ADAMTS3: variants seen among roughly 807,000 people sequenced by gnomAD.
The protein encoded by ADAMTS3 is ADAM metallopeptidase with thrombospondin type 1 motif 3.
ADAMTS3 carries 73 observed loss-of-function variants against 129.0 expected under a neutral mutation model. That is an observed-to-expected ratio of 0.57 (90% CI 0.47 to 0.69). The LOEUF is 0.69. Among genes scored for constraint, ADAMTS3 ranks in the 30% least tolerant of loss-of-function variants. The pLI is 0.00. For missense variants in ADAMTS3, 1,457 were observed against 1,514.5 expected (o/e 0.96, Z 0.63); for synonymous variants, 477 against 510.8 (o/e 0.93, Z 0.89).
Position 72,283,350 on chromosome 4 carries a change from T to A in ADAMTS3, c.3404A>T (p.Gln1135Leu), listed in dbSNP as rs1316154594. 5.6e-6 allele frequency: 9 copies of A among 1,613,668 alleles called. No homozygotes were observed. The highest frequency in any genetic ancestry group is 1.6e-4 in the Middle Eastern group (1 of 6,080). Residue 1135 changes from glutamine (Q) to leucine (L), a missense_variant, in exon 22 of 22, where the codon CAG becomes CTG. Coordinates refer to ENST00000286657, the MANE Select transcript of ADAMTS3 (RefSeq NM_014243.3). ...TCTCACAGTCTTACTTCCTGCTTGCTGAGCACTCCTCTGGCGTAAATTAGC... is the reference window on the plus strand; with the variant it reads ...TCTCACAGTCTTACTTCCTGCTTGCAGAGCACTCCTCTGGCGTAAATTAGC... ...DGANLRQRSA[Q>L]QAGSKTVRLV...
intron 3 of ADAMTS3, among the ~76,000 whole-genome samples, chr4:72,530,031 A>AT (rs375982827): frequency 0.37 from 1,118 of 3,060 alleles, 435 homozygotes; most frequent in African/African-American, 0.72. Flanking sequence ...TTTATATATA[A>AT]ATATAATATA....
At chr4:72,400,155 A>G (rs370360848) in intron 4 of ADAMTS3, among the ~76,000 whole-genome samples, 10 of 140,996 alleles carry the variant, frequency 7.1e-5, no homozygotes, top group Non-Finnish European at 9.4e-5. Flanking sequence ...TGGTGTGTAT[A>G]TATATGTGTG....
intron 2 of ADAMTS3, among the ~76,000 whole-genome samples, chr4:72,564,660 G>A (rs991321768): frequency 1.3e-5 from 2 of 152,022 alleles, no homozygotes; most frequent in Non-Finnish European, 2.9e-5. Context: ...ATACCAAGAA[G>A]GTATTATTCC....
At chr4:72,317,164 A>T (rs1243194212) in intron 10 of ADAMTS3, among the ~76,000 whole-genome samples, 1 of 152,158 alleles carries the variant, frequency 6.6e-6, no homozygotes, top group Non-Finnish European at 1.5e-5. Flanking sequence ...TTACCTACAT[A>T]CACCCTTATG....
chr4:72,566,087 T>G lies in ADAMTS3; in HGVS notation c.97+1287A>C, dbSNP rs1157758075. Among the ~76,000 whole-genome samples the G allele has an allele frequency of 9.8e-5, 15 of 152,310 alleles. No homozygotes were observed. The East Asian group carries it at 2.1e-3, about 22-fold the overall frequency. On this transcript the variant is annotated intron_variant, in intron 2 of 21. Coordinates refer to ENST00000286657, the MANE Select transcript of ADAMTS3 (RefSeq NM_014243.3). ...ATGGCTGAATGTTATCAACTACGAA[T>G]GACAAGTATCTGATCATAAACACTG...
intron 3 of ADAMTS3, among the ~76,000 whole-genome samples, chr4:72,491,589 T>C (rs1041599468): frequency 1.3e-5 from 2 of 151,802 alleles, no homozygotes; most frequent in Non-Finnish European, 3.0e-5. Context: ...TAATTGTGTA[T>C]GTAGACCCAT....
Position 72,399,301 on chromosome 4 carries a change from T to C in ADAMTS3, c.661+15514A>G, listed in dbSNP as rs112448159. Reference sequence around the variant, plus strand: ...AAAAGAAATTAGCTGAGTGTGGTGGTGCACACCTGTAGTCCCAGTTACTGG... The same window carrying C: ...AAAAGAAATTAGCTGAGTGTGGTGGCGCACACCTGTAGTCCCAGTTACTGG... On this transcript the variant is annotated intron_variant, in intron 4 of 21. Coordinates refer to ENST00000286657, the MANE Select transcript of ADAMTS3 (RefSeq NM_014243.3). 9.3e-3 allele frequency among the ~76,000 whole-genome samples: 1,420 copies of C among 152,052 alleles called. 30 individuals are homozygous for C. Among genetic ancestry groups the C allele is most frequent in the African/African-American group, 0.033 (1,356 of 41,470 alleles).
chr4:72,517,388 T>C (rs916855679), intron 3 of ADAMTS3, among the ~76,000 whole-genome samples: 32 of 152,290 alleles, frequency 2.1e-4, no homozygotes, highest in African/African-American at 6.3e-4. Flanking sequence ...TTTCTATTGA[T>C]TGGAATAGTT....
chr4:72,419,579 A>C (rs1180890697), intron 3 of ADAMTS3, among the ~76,000 whole-genome samples: 1 of 152,154 alleles, frequency 6.6e-6, no homozygotes, highest in Non-Finnish European at 1.5e-5. Flanking sequence ...GCCCAACACA[A>C]ATTCGTAAAC....
chr4:72,323,014 C>T lies in ADAMTS3; in HGVS notation c.945G>A (p.Lys315=). Reference sequence around the variant, plus strand: ...TAATTCATGTTTTAAGACATTTTACCTTTGCATATCCCAGCATTATCATGC... The same window carrying T: ...TAATTCATGTTTTAAGACATTTTACTTTTGCATATCCCAGCATTATCATGC... ...LVRMIMLGYA[K]SISLIERGNP... is the part of the protein sequence containing the mutation. Residue 315 remains lysine, a splice_region_variant and synonymous_variant, in exon 6 of 22, where the codon AAG becomes AAA. Transcript: ENST00000286657. The T allele has an allele frequency of 1.2e-6, 2 of 1,610,334 alleles. No individual in the cohort carries two copies. The highest frequency in any genetic ancestry group is 1.7e-6 in the Non-Finnish European group (2 of 1,177,028).
At chr4:72,369,145 G>A (rs1720941962) in intron 4 of ADAMTS3, among the ~76,000 whole-genome samples, 1 of 152,186 alleles carries the variant, frequency 6.6e-6, no homozygotes, top group African/African-American at 2.4e-5. Context: ...GAAACACTAC[G>A]CATGGTGTCT....
Position 72,283,457 on chromosome 4 carries a change from C to T in ADAMTS3, c.3297G>A (p.Lys1099=), listed in dbSNP as rs937787125. The change falls in exon 22 of 22, where the codon AAG becomes AAA. Residue 1099 remains lysine, a synonymous_variant. Transcript: ENST00000286657. The part of the protein sequence containing the change: ...LVPYHSETPA[K]KMSLSSISSV... ...AAGAGATGCTACTCAAAGACATCTT[C>T]TTTGCAGGGGTCTCTGAATGATAAG... 19 of 1,613,938 alleles carry T rather than the reference C, an allele frequency of 1.2e-5. No homozygotes were observed. The highest frequency in any genetic ancestry group is 1.6e-5 in the Non-Finnish European group (19 of 1,179,996).
rs1458208502 is a variant in ADAMTS3 at position 72,283,537 on chromosome 4, T to G, written c.3217A>C (p.Ile1073Leu). The G allele has an allele frequency of 6.2e-7, 1 of 1,614,074 alleles. No homozygotes were observed. The change falls in exon 22 of 22, where the codon ATC becomes CTC. Residue 1073 changes from isoleucine to leucine, a missense_variant. Coordinates refer to ENST00000286657, the MANE Select transcript of ADAMTS3 (RefSeq NM_014243.3). ...CTAGGGAGGTCACTAGGGTTAGAGA[T>G]GACATCATCATGAGTTTCAGCAGCT... Reference protein sequence around the residue: ...LEAAETHDDVISNPSDLPRSL... With the variant: ...LEAAETHDDVLSNPSDLPRSL...
intron 21 of ADAMTS3, 35 bp downstream of exon 21, chr4:72,288,716 A>G (rs1416227419): frequency 7.4e-7 from 1 of 1,347,938 alleles, no homozygotes; most frequent in Non-Finnish European, 1.1e-6. Context: ...GTTTAAAAAC[A>G]TCAGAGCAGT....
chr4:72,332,857 G>A (rs547407362), intron 5 of ADAMTS3, among the ~76,000 whole-genome samples: 2 of 152,220 alleles, frequency 1.3e-5, no homozygotes, highest in East Asian at 1.9e-4. Context: ...GACTTGAATC[G>A]TACAAACAAG....
chr4:72,404,879 G>C (rs1270635017), intron 4 of ADAMTS3, among the ~76,000 whole-genome samples: 1 of 149,706 alleles, frequency 6.7e-6, no homozygotes, highest in Admixed American at 6.6e-5. Flanking sequence ...AAAATAACTC[G>C]ATTAAAGAAT....
chr4:72,458,462 T>A (rs1041349968), intron 3 of ADAMTS3, among the ~76,000 whole-genome samples: 7 of 151,616 alleles, frequency 4.6e-5, no homozygotes, highest in African/African-American at 1.7e-4. Flanking sequence ...GAAATTATGG[T>A]AAAAATAGGC....
chr4:72,401,566 CAAAAA>C (rs374322807), intron 4 of ADAMTS3, among the ~76,000 whole-genome samples: 75 of 37,064 alleles, frequency 2.0e-3, no homozygotes, highest in African/African-American at 6.5e-3. Flanking sequence ...TACTCTGTCT[CAAAAA>C]AAAAAAAAAA....
intron 3 of ADAMTS3, among the ~76,000 whole-genome samples, chr4:72,417,518 T>C (rs1722333994): frequency 6.6e-6 from 1 of 152,134 alleles, no homozygotes; most frequent in African/African-American, 2.4e-5. Flanking sequence ...TAAGTCAAAC[T>C]GAGTCAGTAT....
Sources: allele counts gnomAD v4.1 joint callset (sites outside exome capture counted in the v4.1 genomes callset), GRCh38; gene constraint gnomAD v4.1.1; transcripts MANE v1.5; gene names NCBI Gene and HGNC (gene_info 2026-07-23, HGNC 2026-07-21).